Variants in HARS1 observed in about 807,000 individuals in gnomAD.
The protein encoded by HARS1 is histidine--tRNA ligase, cytoplasmic.
A neutral mutation model predicts 63.6 loss-of-function variants in HARS1; 45 were observed. The observed-to-expected ratio is 0.71, with a 90% CI of 0.56 to 0.91. The LOEUF (loss-of-function observed/expected upper bound fraction) is 0.91, where lower values mean the gene tolerates loss of function less well. Ranked by LOEUF, HARS1 falls within the 40% of genes least tolerant of loss-of-function variation. HARS1 has a pLI of 0.00. For synonymous variants in HARS1, 205 were observed against 247.1 expected (o/e 0.83, Z 1.60); for missense variants, 508 against 643.2 (o/e 0.79, Z 2.27).
At chr5:140,674,849 T>A in intron 11 of HARS1, 24 bp from the exon 12 acceptor site, 1 of 1,613,510 alleles carries the variant, frequency 6.2e-7, no homozygotes, top group Non-Finnish European at 8.5e-7. Context: ...GAGCAGAAGA[T>A]GAAGGCTGGC....
rs749172449 is a variant in HARS1 at position 140,691,320 on chromosome 5, G to C, written c.-16C>G. On this transcript the variant is annotated 5_prime_UTR_variant, in exon 1 of 13. Transcript: ENST00000504156. Reference sequence around the variant, plus strand: ...GCTCTGCCATCCCGGCTGTCCACTTGAGCCGCCTGCTGTCTCGACCTGCGG... The same window carrying C: ...GCTCTGCCATCCCGGCTGTCCACTTCAGCCGCCTGCTGTCTCGACCTGCGG... 3 of 1,591,804 alleles carry C rather than the reference G, an allele frequency of 1.9e-6. No individual in the cohort carries two copies. Among genetic ancestry groups the C allele is most frequent in the African/African-American group, 1.3e-5 (1 of 74,524 alleles).
At chr5:140,675,669 C>T (rs1758325651) in intron 10 of HARS1, 1 of 152,110 alleles carries the variant, frequency 6.6e-6, no homozygotes, top group Non-Finnish European at 1.5e-5. Flanking sequence ...AGAAGTACTA[C>T]TATGAGCCCA....
In HARS1 at chr5:140,691,197, C is replaced by T. The variant is rs749824202; in HGVS notation, c.90+18G>A. 6.3e-7 allele frequency: 1 copy of T among 1,575,344 alleles called. No homozygotes were observed. Among genetic ancestry groups the T allele is most frequent in the Admixed American group, 1.7e-5 (1 of 58,682 alleles). On this transcript the variant is annotated intron_variant, in intron 1 of 12. Coordinates refer to ENST00000504156, the MANE Select transcript of HARS1 (RefSeq NM_002109.6). ...CCAGGCTTTGCCTTGGCCCTCTCCC[C>T]TGCTGCCTAAATCTCACCAGCTCGG... is the stretch of plus-strand genomic sequence containing the variant.
chr5:140,682,890 T>A (rs1385639389), intron 3 of HARS1: 1 of 488,632 alleles, frequency 2.0e-6, no homozygotes, highest in Non-Finnish European at 3.6e-6. Flanking sequence ...AGAATGGCTC[T>A]CTTTTGGAAT....
At chr5:140,686,421 T>C (rs1369969134) in intron 2 of HARS1, among the ~76,000 whole-genome samples, 1 of 152,126 alleles carries the variant, frequency 6.6e-6, no homozygotes, top group Non-Finnish European at 1.5e-5. Flanking sequence ...TTATTTTTAG[T>C]AGAGACAGCG....
rs1464768738 is a variant in HARS1 at position 140,675,222 on chromosome 5, C to G, written c.1195-89G>C. The G allele has an allele frequency of 6.1e-6, 5 of 821,774 alleles. No homozygotes were observed. In the East Asian group the frequency reaches 9.7e-5, roughly 16 times the overall value. The allele number at this position is 821,774 out of a possible 1,614,324, so 50.9% of individuals were successfully genotyped here. A position where few individuals can be genotyped will look rare whatever the true frequency, so the allele number is the denominator to read the frequency against. On this transcript the variant is annotated intron_variant, in intron 10 of 12. Coordinates refer to ENST00000504156, the MANE Select transcript of HARS1 (RefSeq NM_002109.6). Reference sequence around the variant, plus strand: ...CTAGTCGGGATTTTGAGACCAGGCCCAACTCAGCTCTACCAGGGCAGGGGC... The same window carrying G: ...CTAGTCGGGATTTTGAGACCAGGCCGAACTCAGCTCTACCAGGGCAGGGGC...
intron 2 of HARS1, among the ~76,000 whole-genome samples, chr5:140,690,069 A>C (rs1759288545): frequency 6.6e-6 from 1 of 152,194 alleles, no homozygotes; most frequent in South Asian, 2.1e-4. Context: ...TTCCTCAGTT[A>C]GCCTTTCTCA....
chr5:140,684,685 T>G (rs1758915472), intron 2 of HARS1: 2 of 152,238 alleles, frequency 1.3e-5, no homozygotes. Flanking sequence ...TTTCAGGACC[T>G]CTTTACACTC....
At chr5:140,685,852 T>C (rs1758992609) in intron 2 of HARS1, among the ~76,000 whole-genome samples, 1 of 152,242 alleles carries the variant, frequency 6.6e-6, no homozygotes, top group Admixed American at 6.5e-5. Context: ...TAACAGGTCT[T>C]TCAAATGTTG....
intron 2 of HARS1, chr5:140,684,424 C>T (rs1022306556): frequency 1.9e-5 from 19 of 980,458 alleles, no homozygotes; most frequent in South Asian, 9.5e-5. Flanking sequence ...TTATAAGCAA[C>T]GTTTCTCTCC....
rs1405966952 is a variant in HARS1, at chr5:140,674,730, C to G, written c.1407G>C (p.Gln469His). The stretch of plus-strand genomic sequence containing the variant: ...GCTTGATGACCCCATCCTTGAGTTC[C>G]TGCTCGCCGATGATAGCCACCAGTG... ...GIPLVAIIGE[Q>H]ELKDGVIKLR... Residue 469 changes from glutamine (Q) to histidine (H), a missense_variant, in exon 12 of 13, where the codon CAG becomes CAC. Gln to His is a conservative substitution (Grantham distance 24). This residue lies in a region of HARS1 where 403 missense variants were observed against 548.7 expected (regional missense o/e 0.73). Coordinates refer to ENST00000504156, the MANE Select transcript of HARS1 (RefSeq NM_002109.6). 47 of 1,614,210 alleles carry G rather than the reference C, an allele frequency of 2.9e-5. No individual in the cohort carries two copies. Among genetic ancestry groups the G allele is most frequent in the Non-Finnish European group, 3.9e-5 (46 of 1,180,026 alleles).
rs1163410668 is a variant in HARS1 at position 140,677,665 on chromosome 5, T to C, written c.719A>G (p.Lys240Arg). Residue 240 changes from lysine (K) to arginine (R), a missense_variant, in exon 7 of 13, where the codon AAG (lysine) becomes AGG (arginine). Physicochemically the swap from Lys to Arg is conservative, Grantham distance 26 (BLOSUM62 2). This residue lies in a region of HARS1 where 403 missense variants were observed against 548.7 expected (regional missense o/e 0.73). Transcript: ENST00000504156. ...TACTTGGGTTGTTACCTTGTCCAGC[T>C]TGTCTACTGAGGAGCAGATGGTACG... ...KFRTICSSVD[K>R]LDKVSWEEVK... The C allele has an allele frequency of 1.9e-6, 3 of 1,606,242 alleles. No homozygotes were observed. In the African/African-American group the frequency reaches 4.0e-5, roughly 22 times the overall value.
intron 2 of HARS1, among the ~76,000 whole-genome samples, chr5:140,686,908 TCTAA>T (rs1474544894): frequency 6.6e-6 from 1 of 152,216 alleles, no homozygotes; most frequent in Non-Finnish European, 1.5e-5. Flanking sequence ...TTTCTAAAAT[TCTAA>T]CTTTCACCTG....
intron 2 of HARS1, chr5:140,684,962 T>C (rs1276411400): frequency 6.6e-6 from 1 of 152,210 alleles, no homozygotes; most frequent in Non-Finnish European, 1.5e-5. Context: ...GATTCTCATA[T>C]GTGATTTTTG....
rs771062044 is a variant in HARS1, at chr5:140,691,325, G to T, written c.-21C>A. 10 of 1,581,324 alleles carry T rather than the reference G, an allele frequency of 6.3e-6. No individual in the cohort carries two copies. The highest frequency in any genetic ancestry group is 1.3e-5 in the African/African-American group (1 of 74,272). ...GCCATCCCGGCTGTCCACTTGAGCC[G>T]CCTGCTGTCTCGACCTGCGGTGGTT... On this transcript the variant is annotated 5_prime_UTR_variant, in exon 1 of 13. Coordinates refer to ENST00000504156, the MANE Select transcript of HARS1 (RefSeq NM_002109.6).
chr5:140,691,257 C>G lies in HARS1; in HGVS notation c.48G>C (p.Glu16Asp). 6.2e-7 allele frequency: 1 copy of G among 1,608,808 alleles called. No homozygotes were observed. Among genetic ancestry groups the G allele is most frequent in the Non-Finnish European group, 8.5e-7 (1 of 1,179,580 alleles). ...TCTGCTGCTTGAGGCCTCGCACGCG[C>G]TCTCCCTGAAGTTTCACCAGCTCCT... ...ALEELVKLQGERVRGLKQQKA... is the reference protein window; with the variant it reads ...ALEELVKLQGDRVRGLKQQKA... The change falls in exon 1 of 13, where the codon GAG becomes GAC. Residue 16 changes from glutamate (E) to aspartate (D), a missense_variant. By Grantham distance (45) the Glu-to-Asp change is conservative. This residue lies in a region of HARS1 where 105 missense variants were observed against 94.5 expected (regional missense o/e 1.11). Transcript: ENST00000504156.
Position 140,674,735 on chromosome 5 carries a change from C to A in HARS1, c.1402G>T (p.Glu468Ter). 6.2e-7 allele frequency: 1 copy of A among 1,614,196 alleles called. No homozygotes were observed. The highest frequency in any genetic ancestry group is 8.5e-7 in the Non-Finnish European group (1 of 1,180,024). Reference protein sequence around the residue: ...AGIPLVAIIGEQELKDGVIKL... With the variant: ...AGIPLVAIIG Reference sequence around the variant, plus strand: ...ATGACCCCATCCTTGAGTTCCTGCTCGCCGATGATAGCCACCAGTGGGATG... The same window carrying A: ...ATGACCCCATCCTTGAGTTCCTGCTAGCCGATGATAGCCACCAGTGGGATG... Residue 468 changes from glutamate to a stop codon, truncating the protein, a stop_gained, in exon 12 of 13, where the codon GAG (glutamate) becomes TAG (stop). Transcript: ENST00000504156. LOFTEE classifies it high-confidence loss of function.
At chr5:140,689,725 T>C (rs983833804) in intron 2 of HARS1, among the ~76,000 whole-genome samples, 2 of 152,216 alleles carry the variant, frequency 1.3e-5, no homozygotes, top group East Asian at 1.9e-4. Flanking sequence ...AGTCTCAGTC[T>C]CAGGGTAAAT....
In HARS1 at chr5:140,674,776, T is replaced by G. The variant is rs387906639; in HGVS notation, c.1361A>C (p.Tyr454Ser). 2.2e-5 allele frequency: 36 copies of G among 1,614,092 alleles called. No individual in the cohort carries two copies. Among genetic ancestry groups the G allele is most frequent in the South Asian group, 5.5e-5 (5 of 91,090 alleles). Residue 454 changes from tyrosine to serine, a missense_variant, in exon 12 of 13, where the codon TAC becomes TCC. By Grantham distance (144) the Tyr-to-Ser change is moderately radical (BLOSUM62 -2). Around this residue, in one of 2 missense-constraint regions of HARS1, gnomAD observed 403 missense variants for 548.7 expected, o/e 0.73. Coordinates refer to ENST00000504156, the MANE Select transcript of HARS1 (RefSeq NM_002109.6). Reference sequence around the variant, plus strand: ...CAGTGGGATGCCTGCCTCCTCACAGTACTGTAACTGGTTCAGTAGCTTTGG... The same window carrying G: ...CAGTGGGATGCCTGCCTCCTCACAGGACTGTAACTGGTTCAGTAGCTTTGG... ...KNPKLLNQLQ[Y>S]CEEAGIPLVA...
Sources: allele counts gnomAD v4.1 joint callset (sites outside exome capture counted in the v4.1 genomes callset), GRCh38; gene constraint gnomAD v4.1.1; regional missense constraint gnomAD v4.1.1; transcripts MANE v1.5; gene names NCBI Gene and HGNC (gene_info 2026-07-23, HGNC 2026-07-21).